The following PCDHA7 variants were observed in gnomAD, a reference collection of about 807,000 sequenced individuals.
PCDHA7 encodes the protein protocadherin alpha 7, also known as protocadherin alpha-7.
Under a neutral mutation model 57.2 loss-of-function variants are expected in PCDHA7, and 37 were observed. The observed-to-expected ratio is 0.65, with a 90% confidence interval of 0.50 to 0.85. PCDHA7 has a LOEUF of 0.85. Ranked by LOEUF, PCDHA7 falls within the 40% of genes least tolerant of loss-of-function variation. The pLI, the probability that PCDHA7 is intolerant of heterozygous loss-of-function variation, is 0.00. For synonymous variants in PCDHA7, 553 were observed against 558.8 expected (o/e 0.99, Z 0.15); for missense variants, 1,188 against 1,241.8 (o/e 0.96, Z 0.65).
chr5:140,950,917 A>G (rs1270492994), intron 1 of PCDHA7, among the ~76,000 whole-genome samples: 10 of 151,524 alleles, frequency 6.6e-5, no homozygotes, highest in African/African-American at 2.4e-4. Context: ...ATTTTATTTC[A>G]GTTCTTTTTC....
chr5:140,863,376 C>T (rs781824830), intron 1 of PCDHA7: 2 of 1,123,242 alleles, frequency 1.8e-6, no homozygotes, highest in South Asian at 1.2e-5. Context: ...CGCAGCTCAC[C>T]GAGAGCTCGT....
chr5:141,008,284 GC>G (rs2098367825), intron 3 of PCDHA7, among the ~76,000 whole-genome samples: 1 of 152,150 alleles, frequency 6.6e-6, no homozygotes, highest in Admixed American at 6.5e-5. Context: ...AATTGAAATA[GC>G]AGTTGTACCC....
rs570399561 is a variant in PCDHA7, at chr5:140,943,988, C to T, written c.2356-34961C>T. ...GTTAAAGTAATTAAGAAAACAGAGA[C>T]AGAACTACTGAGTACCCCCCAAAAG... On this transcript the variant is annotated intron_variant, in intron 1 of 3. Transcript: ENST00000525929. 8.3e-4 allele frequency among the ~76,000 whole-genome samples: 126 copies of T among 152,216 alleles called. 3 individuals carry two copies. The Middle Eastern group carries it at 0.017, about 21-fold the overall frequency.
At position 140,850,688 on chromosome 5, in the gene PCDHA7, G is replaced by A. The variant is rs2150494137; in HGVS notation, c.2355+13950G>A. On this transcript the variant is annotated intron_variant, in intron 1 of 3. Coordinates refer to ENST00000525929, the MANE Select transcript of PCDHA7 (RefSeq NM_018910.3). ...GCTCGGCGATGCCCACCGAGGGCGA[G>A]TGCGCGCCTGGCAAGCCGACGCTGG... The A allele has an allele frequency of 4.4e-6, 7 of 1,598,388 alleles. 1 individual carries two copies. The African/African-American group carries it at 8.1e-5, about 18-fold the overall frequency.
intron 1 of PCDHA7, chr5:140,850,828 C>T: frequency 6.3e-7 from 1 of 1,598,230 alleles, no homozygotes; most frequent in African/African-American, 1.3e-5. Context: ...GGCCTTTCTC[C>T]TTGTGCTGGA....
At chr5:140,856,925 T>G in intron 1 of PCDHA7, 1 of 1,595,180 alleles carries the variant, frequency 6.3e-7, no homozygotes, top group Non-Finnish European at 8.6e-7. Flanking sequence ...AAGGAAATTT[T>G]GGATAAACGA....
chr5:140,867,553 A>G (rs782238802), intron 1 of PCDHA7: 1 of 152,158 alleles, frequency 6.6e-6, no homozygotes, highest in Non-Finnish European at 1.5e-5. Context: ...GCATACACAT[A>G]TGATAACTTT....
intron 1 of PCDHA7, among the ~76,000 whole-genome samples, chr5:140,964,473 T>C (rs1457345251): frequency 6.6e-6 from 1 of 152,068 alleles, no homozygotes; most frequent in Non-Finnish European, 1.5e-5. Flanking sequence ...TGCCTATGAT[T>C]TTTTCACAGT....
chr5:140,880,614 GGGA>G (rs2058396473), intron 1 of PCDHA7, among the ~76,000 whole-genome samples: 1 of 152,182 alleles, frequency 6.6e-6, no homozygotes, highest in South Asian at 2.1e-4. Context: ...GTAAGCAAGA[GGGA>G]GGAGTTAATT....
chr5:140,834,869 C>G lies in PCDHA7; in HGVS notation c.486C>G (p.Ile162Met). 6.2e-7 allele frequency: 1 copy of G among 1,609,230 alleles called. No homozygotes were observed. The stretch of plus-strand genomic sequence containing the variant: ...TAGAGGGCGCGTCCGATGCAGATAT[C>G]GGGGAGAACGCCCTGCTCACTTACA... ...FPLEGASDAD[I>M]GENALLTYRL... The change falls in exon 1 of 4, where the codon ATC becomes ATG. Residue 162 changes from isoleucine (I) to methionine (M), a missense_variant. By Grantham distance (10) the Ile-to-Met change is conservative (BLOSUM62 1). Around this residue, in one of 3 missense-constraint regions of PCDHA7, gnomAD observed 102 missense variants for 267.4 expected, o/e 0.38. Coordinates refer to ENST00000525929, the MANE Select transcript of PCDHA7 (RefSeq NM_018910.3).
intron 1 of PCDHA7, among the ~76,000 whole-genome samples, chr5:140,950,537 C>T (rs1439965496): frequency 1.3e-5 from 2 of 152,002 alleles, no homozygotes; most frequent in Non-Finnish European, 1.5e-5. Flanking sequence ...TTTTGTTGCT[C>T]TTGCATGGCT....
At chr5:140,871,297 G>T (rs781824958) in intron 1 of PCDHA7, 1 of 1,613,896 alleles carries the variant, frequency 6.2e-7, no homozygotes, top group Non-Finnish European at 8.5e-7. Flanking sequence ...GGGCGCGTGC[G>T]CGCCGGGGAA....
intron 1 of PCDHA7, chr5:140,883,148 A>G (rs1554176918): frequency 5.0e-6 from 8 of 1,614,078 alleles, no homozygotes; most frequent in Non-Finnish European, 6.8e-6. Context: ...ATATGCATTT[A>G]CCATAAATCC....
chr5:140,875,687 G>T, intron 1 of PCDHA7: 10 of 1,614,012 alleles, frequency 6.2e-6, no homozygotes, highest in Non-Finnish European at 8.5e-6. Context: ...AAAAGACACG[G>T]GGACCTTCTG....
intron 1 of PCDHA7, among the ~76,000 whole-genome samples, chr5:140,918,162 A>G (rs1344100803): frequency 1.3e-5 from 2 of 152,122 alleles, no homozygotes; most frequent in Non-Finnish European, 2.9e-5. Context: ...TCTATTGTAA[A>G]TGGCATTGTG....
At position 141,010,147 on chromosome 5, in the gene PCDHA7, C is replaced by A; in HGVS notation, c.*210C>A. ...AAGTCTGGTGTTAACTCTTTCTCTC[C>A]ACTCTGGCTTGTTTTCAGAACCTAA... On this transcript the variant is annotated 3_prime_UTR_variant, in exon 4 of 4. Coordinates refer to ENST00000525929, the MANE Select transcript of PCDHA7 (RefSeq NM_018910.3). 1 of 1,583,190 alleles carries A rather than the reference C, an allele frequency of 6.3e-7. No individual in the cohort carries two copies. Among genetic ancestry groups the A allele is most frequent in the Non-Finnish European group, 8.6e-7 (1 of 1,163,606 alleles).
At chr5:140,944,642 T>C (rs535941591) in intron 1 of PCDHA7, among the ~76,000 whole-genome samples, 35 of 152,342 alleles carry the variant, frequency 2.3e-4, no homozygotes, top group African/African-American at 7.9e-4. Context: ...CCAGTGTGGA[T>C]TGGGAGTCCA....
chr5:140,848,335 G>GA (rs1397782811), intron 1 of PCDHA7: 5 of 865,392 alleles, frequency 5.8e-6, no homozygotes, highest in South Asian at 1.7e-5. Flanking sequence ...TCTGAATCCA[G>GA]ACAAATACAG....
At chr5:140,850,831 G>C (rs981885351) in intron 1 of PCDHA7, 1 of 1,598,080 alleles carries the variant, frequency 6.3e-7, no homozygotes, top group Non-Finnish European at 8.6e-7. Context: ...CTTTCTCCTT[G>C]TGCTGGATCT....
Sources: allele counts gnomAD v4.1 joint callset (sites outside exome capture counted in the v4.1 genomes callset), GRCh38; gene constraint gnomAD v4.1.1; regional missense constraint gnomAD v4.1.1; transcripts MANE v1.5; gene names NCBI Gene and HGNC (gene_info 2026-07-23, HGNC 2026-07-21).